The following MED12L variants were observed in gnomAD, a reference collection of about 807,000 sequenced individuals.
MED12L encodes mediator of RNA polymerase II transcription subunit 12-like protein.
In MED12L, 60 loss-of-function variants were observed where a neutral mutation model predicts 281.3. That is an observed-to-expected ratio of 0.21 (90% CI 0.17 to 0.26). The LOEUF (loss-of-function observed/expected upper bound fraction) is 0.26. Ranked by LOEUF, MED12L falls within the 10% of genes least tolerant of loss-of-function variation. MED12L has a pLI of 1.00. For missense variants in MED12L, 2,146 were observed against 2,680.9 expected (o/e 0.80, Z 4.41); for synonymous variants, 974 against 987.2 (o/e 0.99, Z 0.25).
chr3:151,314,085 C>T (rs1747916671), intron 16 of MED12L, among the ~76,000 whole-genome samples: 1 of 152,082 alleles, frequency 6.6e-6, no homozygotes, highest in Non-Finnish European at 1.5e-5. Flanking sequence ...AGGAGCTTTG[C>T]TCTTCTTTTA....
chr3:151,294,126 A>G lies in MED12L; in HGVS notation c.2251-55933A>G, dbSNP rs373647273. On this transcript the variant is annotated intron_variant, in intron 16 of 44. Coordinates refer to ENST00000687756, the MANE Select transcript of MED12L (RefSeq NM_001393769.1). ...GCAAGGATAATGAAAAGAAACATTT[A>G]TTTACACTTTGTACATATCGATTCC... 5 of 1,163,840 alleles carry G rather than the reference A, an allele frequency of 4.3e-6. No individual in the cohort carries two copies. The African/African-American group carries it at 6.1e-5, about 14-fold the overall frequency. The allele number at this position is 1,163,840 out of a possible 1,614,324, so 72.1% of individuals were successfully genotyped here. A position where few individuals can be genotyped will look rare whatever the true frequency, so the allele number is the denominator to read the frequency against.
chr3:151,282,281 A>T (rs1742916731), intron 16 of MED12L, among the ~76,000 whole-genome samples: 1 of 152,132 alleles, frequency 6.6e-6, no homozygotes, highest in Non-Finnish European at 1.5e-5. Flanking sequence ...GGATTTTCAG[A>T]TAAATATGAA....
rs776243104 is a variant in MED12L, at chr3:151,122,990, T to A, written c.396+16T>A. On this transcript the variant is annotated intron_variant, in intron 4 of 44. Coordinates refer to ENST00000687756, the MANE Select transcript of MED12L (RefSeq NM_001393769.1). Reference sequence around the variant, plus strand: ...GGCAAAAAAGGTATCAAATATTTCTTACATTGTTTTAGTTATGGTCTTATA... The same window carrying A: ...GGCAAAAAAGGTATCAAATATTTCTAACATTGTTTTAGTTATGGTCTTATA... The A allele has an allele frequency of 3.2e-6, 5 of 1,573,178 alleles. No homozygotes were observed. Among genetic ancestry groups the A allele is most frequent in the Non-Finnish European group, 4.3e-6 (5 of 1,152,084 alleles).
At chr3:151,352,214 A>G (rs13095610) in intron 17 of MED12L, among the ~76,000 whole-genome samples, 51,333 of 152,058 alleles carry the variant, frequency 0.34, 8,926 homozygotes, top group South Asian at 0.39. Flanking sequence ...GTGACCTGTT[A>G]TGTGAGATCA....
intron 5 of MED12L, among the ~76,000 whole-genome samples, chr3:151,131,742 G>C (rs1576793095): frequency 8.8e-5 from 1 of 11,398 alleles, no homozygotes; most frequent in South Asian, 4.0e-3. Flanking sequence ...ACTAAATGGA[G>C]AAATGGAGGG....
At chr3:151,217,451 T>C (rs1728461677) in intron 16 of MED12L, among the ~76,000 whole-genome samples, 1 of 152,196 alleles carries the variant, frequency 6.6e-6, no homozygotes, top group Non-Finnish European at 1.5e-5. Context: ...CCACTTTGAG[T>C]TGGATGGAAG....
intron 39 of MED12L, among the ~76,000 whole-genome samples, chr3:151,403,181 G>A (rs987221986): frequency 6.6e-6 from 1 of 152,094 alleles, no homozygotes; most frequent in African/African-American, 2.4e-5. Context: ...CATTGACCAT[G>A]TTTAATTTAA....
intron 16 of MED12L, among the ~76,000 whole-genome samples, chr3:151,243,384 C>G (rs1384216028): frequency 2.7e-4 from 37 of 134,642 alleles, no homozygotes; most frequent in Admixed American, 2.7e-3. Context: ...GGGTTACCCT[C>G]AAAGGGAAGC....
intron 11 of MED12L, among the ~76,000 whole-genome samples, chr3:151,166,654 C>A (rs1374005438): frequency 2.6e-5 from 4 of 151,142 alleles, no homozygotes; most frequent in Admixed American, 2.6e-4. Context: ...AGGCAGAATT[C>A]TTTCTTCCTC....
At chr3:151,360,387 G>A (rs2150075631) in intron 20 of MED12L, 87 bp from the exon 21 acceptor site, 1 of 1,209,916 alleles carries the variant, frequency 8.3e-7, no homozygotes, top group Non-Finnish European at 1.2e-6. Context: ...TTACCCAAGT[G>A]ATACATATTT....
chr3:151,256,884 A>G (rs1218174044), intron 16 of MED12L, among the ~76,000 whole-genome samples: 1 of 143,094 alleles, frequency 7.0e-6, no homozygotes, highest in Non-Finnish European at 1.5e-5. Context: ...TAAATGGGTC[A>G]TGGGGAAAAT....
Position 151,436,584 on chromosome 3 carries a change from A to G in MED12L, c.*3780A>G. 1 of 731,076 alleles carries G rather than the reference A, an allele frequency of 1.4e-6. No individual in the cohort carries two copies. The highest frequency in any genetic ancestry group is 2.3e-6 in the Non-Finnish European group (1 of 442,398). The allele number at this position is 731,076 out of a possible 1,614,324, so 45.3% of individuals were successfully genotyped here. ...TTTGCATGTTCATTGTAAATTTAAT[A>G]CTGTAAATGTATTCAAATTCATTTA... On this transcript the variant is annotated 3_prime_UTR_variant, in exon 45 of 45. Coordinates refer to ENST00000687756, the MANE Select transcript of MED12L (RefSeq NM_001393769.1).
intron 3 of MED12L, among the ~76,000 whole-genome samples, chr3:151,118,486 A>G (rs1436920284): frequency 6.6e-6 from 1 of 152,180 alleles, no homozygotes; most frequent in East Asian, 1.9e-4. Context: ...TTACGTTACA[A>G]CCGCAATTAT....
At chr3:151,174,752 C>G (rs1332684355) in intron 11 of MED12L, among the ~76,000 whole-genome samples, 3 of 152,050 alleles carry the variant, frequency 2.0e-5, no homozygotes, top group Non-Finnish European at 4.4e-5. Flanking sequence ...GGGTCTTGCT[C>G]TGTTGCCCAG....
chr3:151,185,558 T>C (rs1723158745), intron 12 of MED12L, 97 bp downstream of exon 12: 1 of 1,333,888 alleles, frequency 7.5e-7, no homozygotes. Flanking sequence ...GTTATTCTTT[T>C]GCTCTTGAGG....
intron 16 of MED12L, among the ~76,000 whole-genome samples, chr3:151,233,186 G>T (rs934642746): frequency 3.9e-5 from 6 of 152,100 alleles, no homozygotes; most frequent in African/African-American, 1.4e-4. Flanking sequence ...ATGTTGACGA[G>T]CCCGGCTGCC....
intron 16 of MED12L, chr3:151,294,111 TGAAAA>T (rs1284361657): frequency 1.9e-6 from 2 of 1,057,220 alleles, no homozygotes; most frequent in Middle Eastern, 2.5e-4. Context: ...GCAAGGATAA[TGAAAA>T]GAAACATTTA....
At chr3:151,095,471 G>A (rs1277502202) in intron 2 of MED12L, among the ~76,000 whole-genome samples, 1 of 152,108 alleles carries the variant, frequency 6.6e-6, no homozygotes, top group East Asian at 1.9e-4. Flanking sequence ...CCGAGTAACT[G>A]GGATTACAAG....
chr3:151,306,095 C>T (rs187904451), intron 16 of MED12L, among the ~76,000 whole-genome samples: 1 of 152,296 alleles, frequency 6.6e-6, no homozygotes, highest in East Asian at 1.9e-4. Context: ...GATTATTCCG[C>T]TTATCATTTA....
Sources: allele counts gnomAD v4.1 joint callset (sites outside exome capture counted in the v4.1 genomes callset), GRCh38; gene constraint gnomAD v4.1.1; transcripts MANE v1.5; gene names NCBI Gene and HGNC (gene_info 2026-07-23, HGNC 2026-07-21).